Variants in STK3 observed in about 807,000 individuals in gnomAD.
The protein encoded by STK3 is serine/threonine kinase 3, also known as serine/threonine-protein kinase 3.
STK3 carries 41 observed loss-of-function variants against 58.0 expected under a neutral mutation model. The ratio of observed to expected loss-of-function variants is 0.71; its 90% CI spans 0.55 to 0.92. The LOEUF is 0.92. STK3 is among the 40% of genes least tolerant of loss of function. The pLI is 0.00. For missense variants in STK3, 479 were observed against 602.7 expected (o/e 0.79, Z 2.15); for synonymous variants, 170 against 191.0 (o/e 0.89, Z 0.91).
At chr8:98,448,162 C>A (rs1819039934) in intron 1 of STK3, among the ~76,000 whole-genome samples, 1 of 152,054 alleles carries the variant, frequency 6.6e-6, no homozygotes, top group African/African-American at 2.4e-5. Context: ...CCATTTCATT[C>A]ATTCATTACT....
chr8:98,459,492 G>C (rs1457646030), intron 10 of STK3, among the ~76,000 whole-genome samples: 1 of 152,228 alleles, frequency 6.6e-6, no homozygotes, highest in African/African-American at 2.4e-5. Context: ...GTTTTCTGGG[G>C]GAGAAATTCG....
chr8:98,624,356 A>G (rs1160677463), intron 6 of STK3, among the ~76,000 whole-genome samples: 2 of 152,190 alleles, frequency 1.3e-5, no homozygotes, highest in African/African-American at 4.8e-5. Flanking sequence ...GAGTTATAAT[A>G]ATGATAGTTA....
chr8:98,791,495 A>T (rs1248256761), intron 1 of STK3, among the ~76,000 whole-genome samples: 1 of 152,232 alleles, frequency 6.6e-6, no homozygotes, highest in East Asian at 1.9e-4. Context: ...GGAACCAAAA[A>T]AGAGCCCACA....
At chr8:98,519,719 C>T (rs901985666) in intron 10 of STK3, among the ~76,000 whole-genome samples, 1 of 152,082 alleles carries the variant, frequency 6.6e-6, no homozygotes, top group African/African-American at 2.4e-5. Flanking sequence ...GTTTTTTTCC[C>T]TTCTCTGCCA....
At chr8:98,647,947 T>A (rs1160676454) in intron 6 of STK3, among the ~76,000 whole-genome samples, 1 of 152,256 alleles carries the variant, frequency 6.6e-6, no homozygotes, top group East Asian at 1.9e-4. Flanking sequence ...GTATCTTTTT[T>A]GCCTCAATGC....
intron 6 of STK3, among the ~76,000 whole-genome samples, chr8:98,680,425 A>G (rs1424514457): frequency 6.6e-6 from 1 of 152,214 alleles, no homozygotes; most frequent in Non-Finnish European, 1.5e-5. Flanking sequence ...CCATATGTCC[A>G]TTACCAACAA....
At chr8:98,467,019 G>C (rs1033514218) in intron 10 of STK3, among the ~76,000 whole-genome samples, 2 of 152,168 alleles carry the variant, frequency 1.3e-5, no homozygotes, top group African/African-American at 4.8e-5. Context: ...GAGAGAAGCA[G>C]ATATCAGTGT....
chr8:98,737,873 A>G (rs1378565797), intron 4 of STK3, among the ~76,000 whole-genome samples: 1 of 152,072 alleles, frequency 6.6e-6, no homozygotes, highest in Non-Finnish European at 1.5e-5. Flanking sequence ...ACACCCAGCT[A>G]ATTTTTTTGT....
chr8:98,586,693 TC>T (rs1473089856), intron 7 of STK3, among the ~76,000 whole-genome samples: 1 of 151,990 alleles, frequency 6.6e-6, no homozygotes. Context: ...TCCTTGTACC[TC>T]TGGTAGAATT....
chr8:98,489,887 A>G (rs1822558858), intron 10 of STK3, among the ~76,000 whole-genome samples: 1 of 152,166 alleles, frequency 6.6e-6, no homozygotes, highest in African/African-American at 2.4e-5. Context: ...TTAGAAACAC[A>G]TTGTCAGGTT....
chr8:98,380,963 C>CTTTTTT (rs33934435), intron 1 of STK3, among the ~76,000 whole-genome samples: 1 of 44,096 alleles, frequency 2.3e-5, no homozygotes, highest in African/African-American at 9.1e-5. Flanking sequence ...TCTCTCTCTC[C>CTTTTTT]TTTTTTTTTT....
upstream of STK3, among the ~76,000 whole-genome samples, chr8:98,826,382 G>A (rs1474741318): frequency 6.6e-6 from 1 of 152,168 alleles, no homozygotes; most frequent in East Asian, 1.9e-4. Flanking sequence ...TTGTGGACAA[G>A]CTCCTCGCTA....
At chr8:98,563,610 A>G (rs1327771026) in intron 8 of STK3, among the ~76,000 whole-genome samples, 1 of 152,078 alleles carries the variant, frequency 6.6e-6, no homozygotes. Context: ...TTATTCTAGT[A>G]CTGGAACAGG....
At chr8:98,472,055 G>A (rs1322997897) in intron 10 of STK3, among the ~76,000 whole-genome samples, 2 of 151,996 alleles carry the variant, frequency 1.3e-5, no homozygotes, top group African/African-American at 4.8e-5. Flanking sequence ...TATTTAATAG[G>A]CAATAATCCT....
chr8:98,847,708 A>T (rs79995821), intron 3 of STK3, among the ~76,000 whole-genome samples: 2,829 of 147,576 alleles, frequency 0.019, 76 homozygotes, highest in African/African-American at 0.07. Context: ...CTCTTTTTTT[A>T]AAAAAAAGGT....
intron 10 of STK3, among the ~76,000 whole-genome samples, chr8:98,504,881 T>C (rs891518302): frequency 6.6e-5 from 10 of 152,208 alleles, no homozygotes; most frequent in African/African-American, 2.2e-4. Context: ...GGGTTGCTCC[T>C]CTTGAGGAAT....
At chr8:98,624,872 G>T (rs1024614126) in intron 6 of STK3, among the ~76,000 whole-genome samples, 4 of 151,432 alleles carry the variant, frequency 2.6e-5, no homozygotes, top group Admixed American at 1.3e-4. Context: ...AAAAAAAAAA[G>T]AAAGTGGTTC....
chr8:98,876,614 G>A (rs974332416), intron 3 of STK3, among the ~76,000 whole-genome samples: 24 of 152,302 alleles, frequency 1.6e-4, no homozygotes, highest in Non-Finnish European at 2.9e-4. Flanking sequence ...GCTCCACAAA[G>A]CTTTATTCTC....
chr8:98,623,238 GA>G (rs1049828480), intron 6 of STK3, among the ~76,000 whole-genome samples: 4 of 151,606 alleles, frequency 2.6e-5, no homozygotes, highest in African/African-American at 7.3e-5. Context: ...AAGAGAGGGG[GA>G]AAAAAGACAT....
Sources: allele counts gnomAD v4.1 joint callset (sites outside exome capture counted in the v4.1 genomes callset), GRCh38; gene constraint gnomAD v4.1.1; transcripts MANE v1.5; gene names NCBI Gene and HGNC (gene_info 2026-07-23, HGNC 2026-07-21).